ANKRD17: variants seen among roughly 807,000 people sequenced by gnomAD.
ANKRD17 encodes ankyrin repeat domain 17.
Under a neutral mutation model 229.7 loss-of-function variants are expected in ANKRD17, and 19 were observed. The ratio of observed to expected loss-of-function variants is 0.08; its 90% CI spans 0.06 to 0.12. ANKRD17 has a LOEUF of 0.12. Ranked by LOEUF, ANKRD17 falls within the 10% of genes least tolerant of loss-of-function variation. ANKRD17 has a pLI of 1.00. For missense variants in ANKRD17, 2,176 were observed against 3,176.8 expected (o/e 0.68, Z 7.57); for synonymous variants, 1,112 against 1,146.1 (o/e 0.97, Z 0.60).
chr4:73,109,005 A>C (rs1035824155), intron 24 of ANKRD17, among the ~76,000 whole-genome samples: 1 of 152,216 alleles, frequency 6.6e-6, no homozygotes, highest in African/African-American at 2.4e-5. Flanking sequence ...CTGGTTACCA[A>C]AAATTTATCT....
At chr4:73,199,221 CTGTGTGTGTGTGTG>C (rs10577503) in intron 1 of ANKRD17, among the ~76,000 whole-genome samples, 7 of 140,396 alleles carry the variant, frequency 5.0e-5, no homozygotes, top group African/African-American at 1.1e-4. Flanking sequence ...TACAGTTTGG[CTGTGTGTGTGTGTG>C]TGTGTGTGTG....
intron 1 of ANKRD17, among the ~76,000 whole-genome samples, chr4:73,187,104 A>T (rs950523968): frequency 6.6e-6 from 1 of 152,216 alleles, no homozygotes; most frequent in African/African-American, 2.4e-5. Context: ...CTGACATCAG[A>T]CTTCCTAAAT....
At chr4:73,183,174 A>G (rs1435983908) in intron 1 of ANKRD17, among the ~76,000 whole-genome samples, 2 of 152,202 alleles carry the variant, frequency 1.3e-5, no homozygotes, top group Non-Finnish European at 2.9e-5. Flanking sequence ...GAGAGATATA[A>G]CCAGCAAAAT....
chr4:73,200,334 T>C (rs532197728), intron 1 of ANKRD17, among the ~76,000 whole-genome samples: 1 of 152,254 alleles, frequency 6.6e-6, no homozygotes, highest in South Asian at 2.1e-4. Flanking sequence ...TCGGGGTACA[T>C]ACTTACAGTC....
chr4:73,118,647 G>C (rs1290803771), intron 22 of ANKRD17, 41 bp downstream of exon 22: 3 of 1,608,768 alleles, frequency 1.9e-6, no homozygotes, highest in Non-Finnish European at 1.7e-6. Flanking sequence ...CCTAGTGTAA[G>C]TAAAAAAACA....
chr4:73,174,748 A>T (rs1234881653), intron 2 of ANKRD17, among the ~76,000 whole-genome samples: 6 of 152,334 alleles, frequency 3.9e-5, no homozygotes, highest in Admixed American at 2.0e-4. Flanking sequence ...ATCAACATAC[A>T]AAACTCAGTA....
intron 24 of ANKRD17, among the ~76,000 whole-genome samples, chr4:73,102,933 A>G (rs1263539168): frequency 6.6e-6 from 1 of 152,154 alleles, no homozygotes; most frequent in African/African-American, 2.4e-5. Context: ...GGGCATGAAT[A>G]TTTACATTTT....
Position 73,153,998 on chromosome 4 carries a change from C to T in ANKRD17, c.1116G>A (p.Met372Ile). The change falls in exon 6 of 34, where the codon ATG (methionine) becomes ATA (isoleucine). Residue 372 changes from methionine (M) to isoleucine (I), a missense_variant. Transcript: ENST00000358602. ...CCACATGTCCAGCACTTCCAGCTTC[C>T]ATAAGAGGGGTATGACCATTTTCAT... ...DHNENGHTPL[M>I]EAGSAGHVEV... 1.9e-6 allele frequency: 3 copies of T among 1,613,760 alleles called. No individual in the cohort carries two copies. The highest frequency in any genetic ancestry group is 2.5e-6 in the Non-Finnish European group (3 of 1,179,870).
At chr4:73,086,477 T>G (rs1387897819) in intron 29 of ANKRD17, among the ~76,000 whole-genome samples, 1 of 152,056 alleles carries the variant, frequency 6.6e-6, no homozygotes, top group African/African-American at 2.4e-5. Flanking sequence ...ATATGTTCAT[T>G]AAAAAAGTAT....
chr4:73,101,931 T>A (rs911273136), intron 25 of ANKRD17, among the ~76,000 whole-genome samples: 1 of 152,064 alleles, frequency 6.6e-6, no homozygotes, highest in African/African-American at 2.4e-5. Context: ...CATATATCTT[T>A]TCTTTTCTCT....
chr4:73,248,235 GAACA>G (rs1446068178), intron 1 of ANKRD17, among the ~76,000 whole-genome samples: 1 of 151,600 alleles, frequency 6.6e-6, no homozygotes, highest in East Asian at 1.9e-4. Flanking sequence ...CTCATCTTAA[GAACA>G]AACAAAATAT....
Position 73,156,185 on chromosome 4 carries a change from C to A in ANKRD17, c.705-19G>T. On this transcript the variant is annotated intron_variant, in intron 3 of 33. Transcript: ENST00000358602. ...ACTGCGGCTATTACGGAAAGAATAT[C>A]ACAATACCAGAATATAAGAATATTA... The A allele has an allele frequency of 6.4e-7, 1 of 1,574,670 alleles. No individual in the cohort carries two copies.
intron 15 of ANKRD17, 88 bp downstream of exon 15, chr4:73,139,443 A>T: frequency 6.8e-7 from 1 of 1,476,990 alleles, no homozygotes; most frequent in South Asian, 1.4e-5. Context: ...ATAGTTCTCA[A>T]GTTGGGTAAC....
intron 1 of ANKRD17, among the ~76,000 whole-genome samples, chr4:73,186,072 G>C (rs967015061): frequency 2.6e-5 from 4 of 151,986 alleles, no homozygotes; most frequent in Admixed American, 2.0e-4. Context: ...CATAAAATAA[G>C]AAATAAGAAG....
chr4:73,129,262 T>A (rs768456084), intron 16 of ANKRD17, among the ~76,000 whole-genome samples: 6 of 152,258 alleles, frequency 3.9e-5, no homozygotes, highest in African/African-American at 1.2e-4. Flanking sequence ...AAAAAATATA[T>A]TTAATGCAAA....
At chr4:73,197,687 T>C (rs540752191) in intron 1 of ANKRD17, among the ~76,000 whole-genome samples, 7 of 152,038 alleles carry the variant, frequency 4.6e-5, no homozygotes, top group African/African-American at 1.4e-4. Flanking sequence ...TTTTTTTTAA[T>C]CAGCCGGGCA....
At chr4:73,170,578 C>T (rs1733855306) in intron 2 of ANKRD17, among the ~76,000 whole-genome samples, 1 of 151,996 alleles carries the variant, frequency 6.6e-6, no homozygotes, top group South Asian at 2.1e-4. Context: ...CTCTCGGGGT[C>T]TCCTATTCCA....
At chr4:73,203,758 CAAAAAAAAAAA>C (rs67020753) in intron 1 of ANKRD17, among the ~76,000 whole-genome samples, 7 of 82,166 alleles carry the variant, frequency 8.5e-5, no homozygotes, top group East Asian at 3.4e-4. Context: ...GACTCCGTCT[CAAAAAAAAAAA>C]AAAAAAAAAA....
At chr4:73,204,149 G>C (rs959385450) in intron 1 of ANKRD17, among the ~76,000 whole-genome samples, 1 of 151,874 alleles carries the variant, frequency 6.6e-6, no homozygotes, top group Non-Finnish European at 1.5e-5. Flanking sequence ...ACGAGGTCAG[G>C]TCACTGAGAC....
Sources: gnomAD v4.1 joint callset for allele counts (sites outside exome capture counted in the v4.1 genomes callset) on GRCh38, gnomAD v4.1.1 for gene constraint, MANE v1.5 for transcripts, NCBI Gene and HGNC (gene_info 2026-07-23, HGNC 2026-07-21) for gene names.